The following FXYD1 variants were observed in gnomAD, a reference collection of about 807,000 sequenced individuals.
The protein encoded by FXYD1 is phospholemman.
In FXYD1, 9 loss-of-function variants were observed where a neutral mutation model predicts 17.2. That is an observed-to-expected ratio of 0.52 (90% confidence interval 0.32 to 0.91). FXYD1 has a LOEUF of 0.91. Among genes scored for constraint, FXYD1 ranks in the 40% least tolerant of loss-of-function variants. FXYD1 has a pLI of 0.04. For synonymous variants in FXYD1, 55 were observed against 45.8 expected (o/e 1.20, Z -0.81); for missense variants, 113 against 120.6 (o/e 0.94, Z 0.29).
At chr19:35,141,020 C>T in intron 3 of FXYD1, 112 bp from the exon 4 acceptor site, 1 of 698,196 alleles carries the variant, frequency 1.4e-6, no homozygotes, top group Non-Finnish European at 2.6e-6. Flanking sequence ...ATCTTACTTC[C>T]CCCCTTCTGC....
chr19:35,139,758 C>A, intron 1 of FXYD1: 1 of 336,076 alleles, frequency 3.0e-6, no homozygotes, highest in African/African-American at 2.1e-5. Context: ...GCCTCCTCTG[C>A]CCTGCCAGGG....
In FXYD1 at chr19:35,140,142, T is replaced by A; in HGVS notation, c.61+2T>A. ...GTCTCCTCACCATGGCCAAGGCAGG[T>A]GAGTGCAGGGGAGGCTGCCCGCTAC... On this transcript the variant is annotated splice_donor_variant, in intron 2 of 7. Coordinates refer to ENST00000351325, the MANE Select transcript of FXYD1 (RefSeq NM_021902.4). LOFTEE classifies it high-confidence loss of function. 6.6e-7 allele frequency: 1 copy of A among 1,526,078 alleles called. No homozygotes were observed. Among genetic ancestry groups the A allele is most frequent in the Non-Finnish European group, 9.1e-7 (1 of 1,099,674 alleles). The allele number at this position is 1,526,078 out of a possible 1,614,324, so 94.5% of individuals were successfully genotyped here.
At chr19:35,140,896 G>A (rs560257233) in intron 3 of FXYD1, 2 of 585,656 alleles carry the variant, frequency 3.4e-6, no homozygotes, top group African/African-American at 1.9e-5. Flanking sequence ...GCTTCTTCCC[G>A]TCTTCTCTCC....
chr19:35,140,953 C>A (rs1358462961), intron 3 of FXYD1, 179 bp from the exon 4 acceptor site: 3 of 580,974 alleles, frequency 5.2e-6, no homozygotes, highest in African/African-American at 3.9e-5. Context: ...TCCTATACAC[C>A]CCTTTCCTCT....
chr19:35,141,534 A>G lies in FXYD1; in HGVS notation c.170-2A>G. 6.2e-7 allele frequency: 1 copy of G among 1,608,826 alleles called. No individual in the cohort carries two copies. The highest frequency in any genetic ancestry group is 8.5e-7 in the Non-Finnish European group (1 of 1,177,756). ...GCTTCTCCTACCTCTCCACGCCCAC[A>G]GGCAGAAGATGCCGGTGCAAGTTCA... On this transcript the variant is annotated splice_acceptor_variant, in intron 4 of 7. Transcript: ENST00000351325. LOFTEE classifies it high-confidence loss of function.
intron 4 of FXYD1, 140 bp downstream of exon 4, chr19:35,141,346 C>G (rs1276510860): frequency 1.6e-6 from 1 of 610,574 alleles, no homozygotes; most frequent in Non-Finnish European, 2.9e-6. Flanking sequence ...CCTCCCTGGC[C>G]CCGCCCCGCC....
At chr19:35,137,286 C>T (rs527510638), upstream of FXYD1, among the ~76,000 whole-genome samples, 103 of 152,250 alleles carry the variant, frequency 6.8e-4, 1 homozygote, top group African/African-American at 2.0e-3. Context: ...CCCATGGGGA[C>T]GCCAGGTGTG....
In FXYD1 at chr19:35,138,846, C is replaced by T. The variant is rs1247221594; in HGVS notation, c.-53C>T. ...TCCAAAGTGCTCAGCCCCCGGGGCA[C>T]AGCAGGACGTTTGGGGGCCTTCTTT... On this transcript the variant is annotated 5_prime_UTR_variant, in exon 1 of 8. Transcript: ENST00000351325. 1.3e-5 allele frequency: 2 copies of T among 152,484 alleles called. No individual in the cohort carries two copies. The highest frequency in any genetic ancestry group is 2.9e-5 in the Non-Finnish European group (2 of 68,256). 9.4% of individuals were successfully genotyped at this position (152,484 alleles called of 1,614,324 possible). A position where few individuals can be genotyped will look rare whatever the true frequency, so the allele number is the denominator to read the frequency against.
rs1264811386 is a variant in FXYD1 at position 35,141,564 on chromosome 19, G to C, written c.198G>C (p.Gln66His). 3 of 1,611,376 alleles carry C rather than the reference G, an allele frequency of 1.9e-6. No homozygotes were observed. Among genetic ancestry groups the C allele is most frequent in the Non-Finnish European group, 2.5e-6 (3 of 1,178,984 alleles). ...LSRRCRCKFN[Q>H]QQRTGEPDEE... ...GAAGATGCCGGTGCAAGTTCAACCA[G>C]CAGCAGAGGTAAGACGCCCCTCCCC... The change falls in exon 5 of 8, where the codon CAG becomes CAC. Residue 66 changes from glutamine (Q) to histidine (H), a missense_variant. Physicochemically the swap from Gln to His is conservative, Grantham distance 24. Transcript: ENST00000351325.
At chr19:35,140,860 T>C in intron 3 of FXYD1, 5 of 597,328 alleles carry the variant, frequency 8.4e-6, no homozygotes, top group Non-Finnish European at 1.2e-5. Flanking sequence ...CCTGCGTCTG[T>C]CTCAGCATCT....
Position 35,142,734 on chromosome 19 carries a change from A to T in FXYD1, c.271A>T (p.Arg91Trp), listed in dbSNP as rs745791850. The T allele has an allele frequency of 1.2e-6, 2 of 1,613,550 alleles. No individual in the cohort carries two copies. Among genetic ancestry groups the T allele is most frequent in the Admixed American group, 3.3e-5 (2 of 59,992 alleles). ...GTTCCCCCCAGGTCTGTCCACCCGC[A>T]GGCGGTAGAAACACCTGGAGCGATG... is the stretch of plus-strand genomic sequence containing the variant. ...RSSIRRLSTR[R>W]R The change falls in exon 7 of 8, where the codon AGG (arginine) becomes TGG (tryptophan). Residue 91 changes from arginine to tryptophan, a missense_variant. By Grantham distance (101) the Arg-to-Trp change is moderately radical. Transcript: ENST00000351325.
At chr19:35,142,188 C>T (rs982666681) in intron 5 of FXYD1, 1 of 376,878 alleles carries the variant, frequency 2.7e-6, no homozygotes, top group East Asian at 4.5e-5. Flanking sequence ...CAGGCCATCT[C>T]ATGGCAGTCT....
intron 4 of FXYD1, 33 bp from the exon 5 acceptor site, chr19:35,141,503 G>A: frequency 6.3e-7 from 1 of 1,592,228 alleles, no homozygotes; most frequent in Non-Finnish European, 8.6e-7. Context: ...CCGGGAGGGA[G>A]CCTCAGCTTC....
In FXYD1 at chr19:35,139,959, G is replaced by A. The variant is rs949676849; in HGVS notation, c.-4-117G>A. 35 of 887,692 alleles carry A rather than the reference G, an allele frequency of 3.9e-5. No homozygotes were observed. The African/African-American group carries it at 4.3e-4, about 11-fold the overall frequency. The allele number at this position is 887,692 out of a possible 1,614,324, so 55.0% of individuals were successfully genotyped here. On this transcript the variant is annotated intron_variant, in intron 1 of 7. Coordinates refer to ENST00000351325, the MANE Select transcript of FXYD1 (RefSeq NM_021902.4). ...TCTCTAGCTTGGAGCCACCAAGATA[G>A]AGGACAAACACTTCTGTGATTCAGT...
At chr19:35,142,233 T>A in intron 5 of FXYD1, 1 of 436,206 alleles carries the variant, frequency 2.3e-6, no homozygotes, top group Non-Finnish European at 4.0e-6. Flanking sequence ...CCCCACCAAC[T>A]TCACATCCCT....
upstream of FXYD1, among the ~76,000 whole-genome samples, chr19:35,137,247 C>T (rs924438934): frequency 1.3e-5 from 2 of 152,208 alleles, no homozygotes; most frequent in Non-Finnish European, 2.9e-5. Context: ...CCAGGTTTCC[C>T]TGTCACCAGG....
In FXYD1 at chr19:35,140,106, T is replaced by G; in HGVS notation, c.27T>G (p.Val9=). The change falls in exon 2 of 8, where the codon GTT becomes GTG. Residue 9 remains valine, a synonymous_variant. Coordinates refer to ENST00000351325, the MANE Select transcript of FXYD1 (RefSeq NM_021902.4). ...TGGCGTCTCTTGGCCACATCTTGGT[T>G]TTCTGTGTGGGTCTCCTCACCATGG... MASLGHIL[V]FCVGLLTMAK... 1 of 1,609,576 alleles carries G rather than the reference T, an allele frequency of 6.2e-7. No homozygotes were observed. The highest frequency in any genetic ancestry group is 8.5e-7 in the Non-Finnish European group (1 of 1,175,920).
At chr19:35,140,207 C>A in intron 2 of FXYD1, 67 bp downstream of exon 2, 3 of 934,668 alleles carry the variant, frequency 3.2e-6, no homozygotes, top group Non-Finnish European at 5.3e-6. Flanking sequence ...ACCGAAGAAC[C>A]AAGTTGGAGA....
chr19:35,142,678 A>C (rs368962711), intron 6 of FXYD1, 42 bp from the exon 7 acceptor site: 128 of 1,608,068 alleles, frequency 8.0e-5, no homozygotes, highest in Non-Finnish European at 9.9e-5. Flanking sequence ...GGAGCTGGGG[A>C]TGCCTCTCCA....
Sources: gnomAD v4.1 joint callset for allele counts (sites outside exome capture counted in the v4.1 genomes callset) on GRCh38, gnomAD v4.1.1 for gene constraint, MANE v1.5 for transcripts, NCBI Gene and HGNC (gene_info 2026-07-23, HGNC 2026-07-21) for gene names.